Variants in SGCZ observed in about 807,000 individuals in gnomAD.
SGCZ encodes zeta-sarcoglycan.
Under a neutral mutation model 41.3 loss-of-function variants are expected in SGCZ, and 40 were observed. That is an observed-to-expected ratio of 0.97 (90% confidence interval 0.75 to 1.26). SGCZ has a LOEUF of 1.26. SGCZ is among the 50% of genes most tolerant of loss of function. SGCZ has a pLI of 0.00. For synonymous variants in SGCZ, 206 were observed against 137.5 expected (o/e 1.50, Z -3.49); for missense variants, 552 against 369.8 (o/e 1.49, Z -4.04).
At chr8:15,010,017 G>C (rs1350356225) in intron 1 of SGCZ, among the ~76,000 whole-genome samples, 3 of 152,052 alleles carry the variant, frequency 2.0e-5, no homozygotes, top group Non-Finnish European at 4.4e-5. Flanking sequence ...GAGAAAATAT[G>C]TGTTAGTGTA....
chr8:14,306,276 G>A (rs1801351396), intron 3 of SGCZ, among the ~76,000 whole-genome samples: 1 of 152,094 alleles, frequency 6.6e-6, no homozygotes. Context: ...TGGACATAAA[G>A]TACTTAATCA....
chr8:15,127,102 A>G (rs1807721052), intron 1 of SGCZ, among the ~76,000 whole-genome samples: 1 of 152,214 alleles, frequency 6.6e-6, no homozygotes, highest in Non-Finnish European at 1.5e-5. Flanking sequence ...AAATTGCCAA[A>G]TATATATTGA....
chr8:14,320,227 T>C (rs1801870747), intron 3 of SGCZ, among the ~76,000 whole-genome samples: 1 of 151,438 alleles, frequency 6.6e-6, no homozygotes, highest in African/African-American at 2.4e-5. Context: ...GTAAATATAA[T>C]ATGATAATGA....
chr8:14,648,203 CA>C (rs898044860), intron 1 of SGCZ, among the ~76,000 whole-genome samples: 2 of 152,084 alleles, frequency 1.3e-5, no homozygotes, highest in African/African-American at 2.4e-5. Flanking sequence ...TCAAAATAAT[CA>C]AAAAATATTA....
At chr8:15,100,963 G>A (rs942279606) in intron 1 of SGCZ, among the ~76,000 whole-genome samples, 4 of 151,086 alleles carry the variant, frequency 2.6e-5, no homozygotes, top group African/African-American at 9.7e-5. Context: ...CTGACAGAGT[G>A]AGACCATGTC....
intron 1 of SGCZ, among the ~76,000 whole-genome samples, chr8:14,855,541 A>G (rs972937044): frequency 4.6e-5 from 7 of 152,186 alleles, no homozygotes; most frequent in African/African-American, 1.4e-4. Flanking sequence ...TAGAAGGTCA[A>G]TTCTGGTTCT....
At chr8:14,918,185 T>C (rs967979984) in intron 1 of SGCZ, among the ~76,000 whole-genome samples, 2 of 152,262 alleles carry the variant, frequency 1.3e-5, no homozygotes, top group East Asian at 3.9e-4. Context: ...TCTTTAGTCA[T>C]CCCTATAACG....
chr8:14,788,902 G>C (rs747517431), intron 1 of SGCZ, among the ~76,000 whole-genome samples: 8 of 152,040 alleles, frequency 5.3e-5, no homozygotes, highest in Non-Finnish European at 1.0e-4. Flanking sequence ...CTCGGGGCCA[G>C]GAGTTTGACA....
At chr8:14,780,427 T>G (rs1247953429) in intron 1 of SGCZ, among the ~76,000 whole-genome samples, 1 of 151,936 alleles carries the variant, frequency 6.6e-6, no homozygotes, top group Non-Finnish European at 1.5e-5. Context: ...CCACTTAGTT[T>G]CTCTGAAATA....
At chr8:14,190,014 C>CTTTCTTTTTTTTT (rs757923069) in intron 4 of SGCZ, among the ~76,000 whole-genome samples, 2 of 100,202 alleles carry the variant, frequency 2.0e-5, no homozygotes, top group African/African-American at 3.5e-5. Flanking sequence ...TTCTTTCTTT[C>CTTTCTTTTTTTTT]TTTTTTTTTT....
chr8:14,591,448 C>T (rs540925206), intron 1 of SGCZ, among the ~76,000 whole-genome samples: 1 of 152,000 alleles, frequency 6.6e-6, no homozygotes, highest in African/African-American at 2.4e-5. Context: ...GTTATAAAGG[C>T]TTAATTGAAA....
intron 1 of SGCZ, among the ~76,000 whole-genome samples, chr8:14,610,045 T>C (rs1233717683): frequency 6.6e-6 from 1 of 152,186 alleles, no homozygotes; most frequent in East Asian, 1.9e-4. Context: ...AATCAATTGA[T>C]ATTAATTGGG....
At chr8:15,195,857 T>A (rs1800707309) in intron 1 of SGCZ, among the ~76,000 whole-genome samples, 1 of 151,670 alleles carries the variant, frequency 6.6e-6, no homozygotes, top group South Asian at 2.1e-4. Flanking sequence ...TCTTTATAAA[T>A]TTATAATGGG....
chr8:15,061,559 A>G (rs2131011822), intron 1 of SGCZ, among the ~76,000 whole-genome samples: 1 of 152,022 alleles, frequency 6.6e-6, no homozygotes, highest in South Asian at 2.1e-4. Context: ...AAAATTAAAA[A>G]TAAATAAATA....
rs1030875662 is a variant in SGCZ, at chr8:14,245,093, C to T, written c.337-7414G>A. On this transcript the variant is annotated intron_variant, in intron 3 of 7. Coordinates refer to ENST00000382080, the MANE Select transcript of SGCZ (RefSeq NM_139167.4). ...AATTGAATACCCTTTATTTCCTTCT[C>T]CTGCCTAATTGCCCTGGCCAGAACT... is the stretch of plus-strand genomic sequence containing the variant. Among the ~76,000 whole-genome samples, 4 of 152,234 alleles carry T rather than the reference C, an allele frequency of 2.6e-5. No individual in the cohort carries two copies. The East Asian group carries it at 5.8e-4, about 22-fold the overall frequency.
At chr8:14,889,621 T>G (rs939259941) in intron 1 of SGCZ, among the ~76,000 whole-genome samples, 1 of 152,068 alleles carries the variant, frequency 6.6e-6, no homozygotes, top group Non-Finnish European at 1.5e-5. Context: ...TATTACATAT[T>G]TTTGAAGTAA....
At chr8:14,737,677 T>G (rs1417944317) in intron 1 of SGCZ, among the ~76,000 whole-genome samples, 1 of 134,600 alleles carries the variant, frequency 7.4e-6, no homozygotes, top group Non-Finnish European at 1.5e-5. Flanking sequence ...ATCCTCTGTC[T>G]GTTTTCATAT....
chr8:14,227,481 T>G (rs1439876619), intron 4 of SGCZ, among the ~76,000 whole-genome samples: 2 of 152,040 alleles, frequency 1.3e-5, no homozygotes, highest in East Asian at 1.9e-4. Flanking sequence ...ATAGGATTAT[T>G]GGATCAAAAC....
intron 3 of SGCZ, among the ~76,000 whole-genome samples, chr8:14,254,521 G>C (rs535943042): frequency 1.3e-5 from 2 of 152,070 alleles, no homozygotes; most frequent in Non-Finnish European, 2.9e-5. Context: ...TGAATGAATA[G>C]TGTTAAAAAA....
Sources: allele counts gnomAD v4.1 joint callset (sites outside exome capture counted in the v4.1 genomes callset), GRCh38; gene constraint gnomAD v4.1.1; transcripts MANE v1.5; gene names NCBI Gene and HGNC (gene_info 2026-07-23, HGNC 2026-07-21).